UTRN: variants seen among roughly 807,000 people sequenced by gnomAD.
UTRN encodes the protein utrophin.
UTRN carries 283 observed loss-of-function variants against 463.9 expected under a neutral mutation model. That is an observed-to-expected ratio of 0.61 (90% CI 0.55 to 0.67). The LOEUF is 0.67. Ranked by LOEUF, UTRN falls within the 30% of genes least tolerant of loss-of-function variation. The pLI is 0.00. For missense variants in UTRN, 3,922 were observed against 4,084.3 expected (o/e 0.96, Z 1.08); for synonymous variants, 1,442 against 1,431.5 (o/e 1.01, Z -0.17).
chr6:144,843,733 T>C (rs1455795657), intron 73 of UTRN, among the ~76,000 whole-genome samples: 2 of 152,206 alleles, frequency 1.3e-5, no homozygotes, highest in Admixed American at 6.5e-5. Flanking sequence ...TTCCTTAATG[T>C]TTATTAAGCT....
At chr6:144,700,357 C>CG in intron 53 of UTRN, 114 bp downstream of exon 53, 1 of 1,205,180 alleles carries the variant, frequency 8.3e-7, no homozygotes, top group Non-Finnish European at 1.1e-6. Context: ...GATTCCCCCC[C>CG]CCACCACCGT....
At chr6:144,567,555 C>G (rs554673409) in intron 50 of UTRN, among the ~76,000 whole-genome samples, 1 of 152,240 alleles carries the variant, frequency 6.6e-6, no homozygotes, top group Non-Finnish European at 1.5e-5. Context: ...TGAAGACTGA[C>G]TCTTCTTTCA....
chr6:144,620,533 C>A (rs1163568357), intron 51 of UTRN, among the ~76,000 whole-genome samples: 1 of 152,072 alleles, frequency 6.6e-6, no homozygotes, highest in Non-Finnish European at 1.5e-5. Flanking sequence ...CATCACTGTG[C>A]TGAGATGTAT....
At chr6:144,762,167 C>T (rs145824941) in intron 58 of UTRN, among the ~76,000 whole-genome samples, 1 of 152,250 alleles carries the variant, frequency 6.6e-6, no homozygotes, top group African/African-American at 2.4e-5. Context: ...AATTAATAAG[C>T]ACGCTTACAG....
chr6:144,310,745 G>T (rs1001629708), intron 2 of UTRN, among the ~76,000 whole-genome samples: 1 of 152,094 alleles, frequency 6.6e-6, no homozygotes, highest in Non-Finnish European at 1.5e-5. Context: ...GCTACTGCAC[G>T]CCAGCCTGGA....
chr6:144,340,582 T>G (rs1444933677), intron 2 of UTRN, among the ~76,000 whole-genome samples: 2 of 152,208 alleles, frequency 1.3e-5, no homozygotes, highest in African/African-American at 4.8e-5. Flanking sequence ...ATTCTTTCTT[T>G]CCTTTTTTGA....
chr6:144,637,556 C>A (rs1482111199), intron 51 of UTRN, among the ~76,000 whole-genome samples: 3 of 151,752 alleles, frequency 2.0e-5, no homozygotes, highest in African/African-American at 7.3e-5. Context: ...AGTACCACAC[C>A]CAGAATAACC....
At chr6:144,824,899 C>T (rs572002183) in intron 66 of UTRN, among the ~76,000 whole-genome samples, 2 of 151,826 alleles carry the variant, frequency 1.3e-5, no homozygotes, top group East Asian at 1.9e-4. Flanking sequence ...GTGAAATTTT[C>T]AGCCTCCCAA....
chr6:144,687,682 T>TTCTACTGAGTCTGACTTAGCAG (rs770265189), intron 52 of UTRN, among the ~76,000 whole-genome samples: 2 of 152,162 alleles, frequency 1.3e-5, no homozygotes, highest in Non-Finnish European at 2.9e-5. Flanking sequence ...CTTGTAAGGT[T>TTCTACTGAGTCTGACTTAGCAG]TCTACTGAGT....
intron 50 of UTRN, among the ~76,000 whole-genome samples, chr6:144,561,251 ATATATATATACATAC>A: frequency 1.0e-5 from 1 of 97,756 alleles, no homozygotes; most frequent in South Asian, 3.6e-4. Flanking sequence ...ATATATATAT[ATATATATATACATAC>A]ACACACACAC....
chr6:144,315,702 G>A (rs952398486), intron 2 of UTRN, among the ~76,000 whole-genome samples: 1 of 152,166 alleles, frequency 6.6e-6, no homozygotes, highest in African/African-American at 2.4e-5. Flanking sequence ...CCTCCGTGCC[G>A]CTGTGCTGGC....
intron 2 of UTRN, among the ~76,000 whole-genome samples, chr6:144,350,646 A>G (rs1562280305): frequency 6.6e-6 from 1 of 152,144 alleles, no homozygotes; most frequent in Non-Finnish European, 1.5e-5. Context: ...TTCTCTGCAT[A>G]TGTTTATTGG....
At chr6:144,433,142 C>G (rs1382184534) in intron 9 of UTRN, among the ~76,000 whole-genome samples, 4 of 152,104 alleles carry the variant, frequency 2.6e-5, no homozygotes, top group Admixed American at 6.5e-5. Flanking sequence ...ACCTTTCCCC[C>G]CTTTCTATTC....
chr6:144,539,237 T>G (rs1193596424), intron 44 of UTRN, 57 bp from the exon 45 acceptor site: 1 of 1,489,116 alleles, frequency 6.7e-7, no homozygotes, highest in African/African-American at 1.4e-5. Flanking sequence ...AATACAGTTC[T>G]TGAATTTTCC....
intron 58 of UTRN, among the ~76,000 whole-genome samples, chr6:144,761,139 G>T (rs1242627555): frequency 6.6e-6 from 1 of 152,000 alleles, no homozygotes; most frequent in Non-Finnish European, 1.5e-5. Context: ...GATATCTTAA[G>T]TTAAAACTAG....
intron 9 of UTRN, among the ~76,000 whole-genome samples, chr6:144,432,678 CT>C (rs368744975): frequency 0.017 from 2,353 of 139,858 alleles, 59 homozygotes; most frequent in African/African-American, 0.054. Context: ...TGAGATAAGT[CT>C]TTTTTTTTTT....
intron 53 of UTRN, among the ~76,000 whole-genome samples, chr6:144,719,744 T>A (rs1212354454): frequency 6.6e-6 from 1 of 152,164 alleles, no homozygotes; most frequent in Non-Finnish European, 1.5e-5. Flanking sequence ...GTCCAGACCT[T>A]GGTAGGAAGT....
chr6:144,703,089 T>C (rs1211987049), intron 53 of UTRN, among the ~76,000 whole-genome samples: 2 of 152,040 alleles, frequency 1.3e-5, no homozygotes, highest in African/African-American at 2.4e-5. Flanking sequence ...GCAGGAGAGA[T>C]GATGAAGAGT....
chr6:144,803,095 G>A lies in UTRN; in HGVS notation c.9305G>A (p.Arg3102Gln), dbSNP rs776348759. 1.0e-5 allele frequency: 16 copies of A among 1,595,932 alleles called. No homozygotes were observed. In the South Asian group the frequency reaches 1.7e-4, roughly 17 times the overall value. Residue 3102 changes from arginine (R) to glutamine (Q), a missense_variant, in exon 65 of 75, where the codon CGA becomes CAA. This residue lies in a region of UTRN where 1,309 missense variants were observed against 1,452.6 expected (regional missense o/e 0.90). Coordinates refer to ENST00000367545, the MANE Select transcript of UTRN (RefSeq NM_007124.3). The stretch of plus-strand genomic sequence containing the variant: ...TGCCAGAGTTGTTTCTTTTCGGGTC[G>A]AACAGCAAAAGGTCACAAATTACAT... Reference protein sequence around the residue: ...DVCQSCFFSGRTAKGHKLHYP... With the variant: ...DVCQSCFFSGQTAKGHKLHYP...
Sources: allele counts gnomAD v4.1 joint callset (sites outside exome capture counted in the v4.1 genomes callset), GRCh38; gene constraint gnomAD v4.1.1; regional missense constraint gnomAD v4.1.1; transcripts MANE v1.5; gene names NCBI Gene and HGNC (gene_info 2026-07-23, HGNC 2026-07-21).